The following GUCY1A2 variants were observed in gnomAD, a reference collection of about 807,000 sequenced individuals.
The protein encoded by GUCY1A2 is guanylate cyclase 1 soluble subunit alpha 2.
Under a neutral mutation model 63.5 loss-of-function variants are expected in GUCY1A2, and 27 were observed. That is an observed-to-expected ratio of 0.43 (90% CI 0.31 to 0.59). The LOEUF is 0.59. Ranked by LOEUF, GUCY1A2 falls within the 20% of genes least tolerant of loss-of-function variation. GUCY1A2 has a pLI of 0.11. For synonymous variants in GUCY1A2, 364 were observed against 343.5 expected (o/e 1.06, Z -0.66); for missense variants, 768 against 913.3 (o/e 0.84, Z 2.05).
chr11:106,690,733 A>G (rs950479947), intron 7 of GUCY1A2, among the ~76,000 whole-genome samples: 4 of 152,180 alleles, frequency 2.6e-5, no homozygotes, highest in Non-Finnish European at 4.4e-5. Flanking sequence ...TCTCCACCAA[A>G]TTTATAGAGG....
At chr11:106,990,689 G>A (rs1372798835) in intron 1 of GUCY1A2, among the ~76,000 whole-genome samples, 1 of 152,210 alleles carries the variant, frequency 6.6e-6, no homozygotes, top group Non-Finnish European at 1.5e-5. Context: ...TGCAGCTCAG[G>A]GAGGTTAAGC....
chr11:106,943,748 G>A (rs1860783978), intron 3 of GUCY1A2, among the ~76,000 whole-genome samples: 2 of 152,144 alleles, frequency 1.3e-5, no homozygotes, highest in South Asian at 4.1e-4. Flanking sequence ...CTAAGGATAT[G>A]AAAACAAAAA....
Position 107,018,001 on chromosome 11 carries a change from G to T in GUCY1A2, c.55C>A (p.Leu19Met). The T allele has an allele frequency of 6.8e-7, 1 of 1,467,342 alleles. No individual in the cohort carries two copies. Among genetic ancestry groups the T allele is most frequent in the Non-Finnish European group, 9.1e-7 (1 of 1,098,112 alleles). The allele number at this position is 1,467,342 out of a possible 1,614,324, so 90.9% of individuals were successfully genotyped here. A position where few individuals can be genotyped will look rare whatever the true frequency, so the allele number is the denominator to read the frequency against. ...ESFSSLGSDY[L>M]ETSPEEEGEC... Reference sequence around the variant, plus strand: ...CCCTCCTCCTCCGGGCTGGTCTCCAGGTAGTCGGAGCCCAGGGAGCTGAAG... The same window carrying T: ...CCCTCCTCCTCCGGGCTGGTCTCCATGTAGTCGGAGCCCAGGGAGCTGAAG... The change falls in exon 1 of 8, where the codon CTG becomes ATG. Residue 19 changes from leucine to methionine, a missense_variant. Transcript: ENST00000526355.
intron 4 of GUCY1A2, among the ~76,000 whole-genome samples, chr11:106,833,586 T>C (rs777242339): frequency 2.0e-4 from 31 of 152,240 alleles, no homozygotes; most frequent in Non-Finnish European, 4.1e-4. Context: ...GATGATAGGA[T>C]GCTAGATCCA....
In GUCY1A2 at chr11:106,767,290, C is replaced by T. The variant is rs146164118; in HGVS notation, c.1836+9149G>A. Among the ~76,000 whole-genome samples the T allele has an allele frequency of 4.4e-3, 673 of 152,200 alleles. 6 individuals carry two copies. The highest frequency in any genetic ancestry group is 0.016 in the African/African-American group (645 of 41,546). The stretch of plus-strand genomic sequence containing the variant: ...GAAAGTCAAGACTGTTGCACAAAAT[C>T]AAACTAAGCAATTTTGTGCTTTGCA... On this transcript the variant is annotated intron_variant, in intron 6 of 7. Transcript: ENST00000526355.
At position 106,687,537 on chromosome 11, in the gene GUCY1A2, C is replaced by T. The variant is rs1318083100; in HGVS notation, c.*12G>A. On this transcript the variant is annotated 3_prime_UTR_variant, in exon 8 of 8. Coordinates refer to ENST00000526355, the MANE Select transcript of GUCY1A2 (RefSeq NM_000855.3). ...TGTGCTTTTTGGAGGAGTCTTTGATCTGTAGCAGGTCTCAGAGGCTTGTCT... is the reference window on the plus strand; with the variant it reads ...TGTGCTTTTTGGAGGAGTCTTTGATTTGTAGCAGGTCTCAGAGGCTTGTCT... The T allele has an allele frequency of 6.2e-7, 1 of 1,602,682 alleles. No homozygotes were observed. Among genetic ancestry groups the T allele is most frequent in the Admixed American group, 1.7e-5 (1 of 59,974 alleles).
At chr11:106,725,981 T>A (rs1294259300) in intron 6 of GUCY1A2, among the ~76,000 whole-genome samples, 1 of 152,130 alleles carries the variant, frequency 6.6e-6, no homozygotes, top group Non-Finnish European at 1.5e-5. Flanking sequence ...ATTTTTCAGC[T>A]GGTAGGCTGG....
chr11:106,832,326 G>A (rs986191447), intron 4 of GUCY1A2, among the ~76,000 whole-genome samples: 1 of 152,022 alleles, frequency 6.6e-6, no homozygotes, highest in Non-Finnish European at 1.5e-5. Flanking sequence ...AAATATTGAG[G>A]GAATAATCCC....
chr11:106,940,235 T>C (rs1053888965), intron 3 of GUCY1A2, 57 bp from the exon 4 acceptor site: 1 of 817,336 alleles, frequency 1.2e-6, no homozygotes, highest in African/African-American at 1.7e-5. Flanking sequence ...ATTGAATTTA[T>C]AGCTTTTTAA....
intron 6 of GUCY1A2, among the ~76,000 whole-genome samples, chr11:106,759,615 A>G (rs970442434): frequency 2.0e-5 from 3 of 152,246 alleles, no homozygotes; most frequent in African/African-American, 7.2e-5. Flanking sequence ...GGACCCCCCA[A>G]TCCAATATGA....
rs34601463 is a variant in GUCY1A2, at chr11:106,675,269, CTTT to C, written c.*12277_*12279del. 110 of 165,216 alleles carry C rather than the reference CTTT, an allele frequency of 6.7e-4. No individual in the cohort carries two copies. The highest frequency in any genetic ancestry group is 2.2e-3 in the Middle Eastern group (1 of 462). The allele number at this position is 165,216 out of a possible 1,614,324, so 10.2% of individuals were successfully genotyped here. On this transcript the variant is annotated 3_prime_UTR_variant, in exon 8 of 8. Coordinates refer to ENST00000526355, the MANE Select transcript of GUCY1A2 (RefSeq NM_000855.3). The stretch of plus-strand genomic sequence containing the variant: ...TTCGAAGGCAAAATTCTCAGGAGGA[CTTT>C]TTTTTTTTTTTTTTAAATAAAGAAA...
chr11:106,739,182 G>T (rs1250388595), intron 6 of GUCY1A2, among the ~76,000 whole-genome samples: 1 of 152,024 alleles, frequency 6.6e-6, no homozygotes, highest in Non-Finnish European at 1.5e-5. Context: ...CTCATGATTT[G>T]GCTCGCTGTT....
intron 4 of GUCY1A2, among the ~76,000 whole-genome samples, chr11:106,822,948 A>G (rs1050677489): frequency 6.6e-6 from 1 of 152,180 alleles, no homozygotes; most frequent in African/African-American, 2.4e-5. Context: ...TATTATTTGT[A>G]ATTGTTACTT....
chr11:106,739,458 G>T (rs918298570), intron 6 of GUCY1A2, among the ~76,000 whole-genome samples: 1 of 152,182 alleles, frequency 6.6e-6, no homozygotes, highest in Non-Finnish European at 1.5e-5. Flanking sequence ...AACACTTACA[G>T]AGTGCCAGAC....
chr11:106,744,846 A>C (rs922435857), intron 6 of GUCY1A2, among the ~76,000 whole-genome samples: 1 of 152,206 alleles, frequency 6.6e-6, no homozygotes, highest in African/African-American at 2.4e-5. Flanking sequence ...CATGTTGTCA[A>C]CATGGATAAT....
At chr11:106,848,634 G>A (rs1328700701) in intron 4 of GUCY1A2, among the ~76,000 whole-genome samples, 3 of 151,546 alleles carry the variant, frequency 2.0e-5, no homozygotes, top group African/African-American at 7.3e-5. Context: ...CAATTATGAT[G>A]GAAAAGTACC....
chr11:106,943,642 C>G (rs150128887), intron 3 of GUCY1A2, among the ~76,000 whole-genome samples: 1 of 152,258 alleles, frequency 6.6e-6, no homozygotes, highest in African/African-American at 2.4e-5. Flanking sequence ...TGCCTGACAC[C>G]TGGAGAATAA....
intron 4 of GUCY1A2, among the ~76,000 whole-genome samples, chr11:106,823,123 C>T (rs1400596671): frequency 6.6e-6 from 1 of 152,010 alleles, no homozygotes; most frequent in Non-Finnish European, 1.5e-5. Flanking sequence ...TCAGGGGGAA[C>T]ATGTACATGT....
intron 6 of GUCY1A2, among the ~76,000 whole-genome samples, chr11:106,731,742 A>C (rs1863509817): frequency 6.6e-6 from 1 of 152,130 alleles, no homozygotes; most frequent in African/African-American, 2.4e-5. Context: ...TACACCAACA[A>C]CATCCAATCT....
Sources: allele counts gnomAD v4.1 joint callset (sites outside exome capture counted in the v4.1 genomes callset), GRCh38; gene constraint gnomAD v4.1.1; transcripts MANE v1.5; gene names NCBI Gene and HGNC (gene_info 2026-07-23, HGNC 2026-07-21).